Variants in TNNI3K observed in about 807,000 individuals in gnomAD.
TNNI3K encodes serine/threonine-protein kinase TNNI3K.
A neutral mutation model predicts 114.5 loss-of-function variants in TNNI3K; 140 were observed. That is an observed-to-expected ratio of 1.22 (90% CI 1.07 to 1.41). The LOEUF (loss-of-function observed/expected upper bound fraction) is 1.41, where lower values mean the gene tolerates loss of function less well. Ranked by LOEUF, TNNI3K falls within the 40% of genes most tolerant of loss-of-function variation. TNNI3K has a pLI of 0.00. For missense variants in TNNI3K, 1,125 were observed against 1,007.6 expected, an observed-to-expected ratio of 1.12 and a Z score of -1.58; for synonymous variants, 347 against 347.5, an observed-to-expected ratio of 1.00 and a Z score of 0.02.
At chr1:74,474,114 A>T (rs565989079) in intron 21 of TNNI3K, among the ~76,000 whole-genome samples, 2 of 152,284 alleles carry the variant, frequency 1.3e-5, no homozygotes, top group Admixed American at 6.5e-5. Context: ...TCAGTGTGAA[A>T]ACAACAGACT....
At chr1:74,467,031 A>G (rs1352218238) in intron 21 of TNNI3K, among the ~76,000 whole-genome samples, 1 of 152,236 alleles carries the variant, frequency 6.6e-6, no homozygotes, top group Admixed American at 6.5e-5. Context: ...GTTGGGGGAC[A>G]AAGACAGAAT....
chr1:74,245,088 A>G (rs1364266739), intron 2 of TNNI3K, among the ~76,000 whole-genome samples: 1 of 152,228 alleles, frequency 6.6e-6, no homozygotes, highest in Non-Finnish European at 1.5e-5. Context: ...TCACTCACAC[A>G]CAAAATCTCA....
intron 5 of TNNI3K, among the ~76,000 whole-genome samples, chr1:74,316,856 ATTT>A (rs60524669): frequency 0.15 from 22,058 of 142,978 alleles, 1,721 homozygotes; most frequent in South Asian, 0.21. Context: ...CGCCCAGCTA[ATTT>A]TTTTTTTTTT....
At chr1:74,510,507 C>CA (rs1670133220) in intron 23 of TNNI3K, among the ~76,000 whole-genome samples, 1 of 151,690 alleles carries the variant, frequency 6.6e-6, no homozygotes, top group Non-Finnish European at 1.5e-5. Context: ...GACTCCGTCT[C>CA]AAAAAAGAAT....
rs538803371 is a variant in TNNI3K at position 74,250,190 on chromosome 1, C to T, written c.236-482C>T. On this transcript the variant is annotated intron_variant, in intron 3 of 24. Transcript: ENST00000326637. ...TGTCAACTCTAACCATATTCCTTAACCATTTCTCCCAAACAAACCAAACAG... is the reference window on the plus strand; with the variant it reads ...TGTCAACTCTAACCATATTCCTTAATCATTTCTCCCAAACAAACCAAACAG... Among the ~76,000 whole-genome samples, 184 of 152,266 alleles carry T rather than the reference C, an allele frequency of 1.2e-3. 6 individuals are homozygous for T. The highest frequency in any genetic ancestry group is 1.3e-3 in the Non-Finnish European group (85 of 67,998).
At chr1:74,321,748 GATA>G (rs1659620960) in intron 5 of TNNI3K, among the ~76,000 whole-genome samples, 1 of 151,834 alleles carries the variant, frequency 6.6e-6, no homozygotes, top group South Asian at 2.1e-4. Context: ...TTTAACCTGT[GATA>G]ATAAGAGAAA....
chr1:74,484,842 T>C (rs1668670460), intron 21 of TNNI3K, among the ~76,000 whole-genome samples: 2 of 152,200 alleles, frequency 1.3e-5, no homozygotes, highest in Non-Finnish European at 2.9e-5. Flanking sequence ...TGGTCTGATG[T>C]CTATTTTTAA....
At chr1:74,395,611 T>C (rs1570568567) in intron 17 of TNNI3K, among the ~76,000 whole-genome samples, 1 of 152,164 alleles carries the variant, frequency 6.6e-6, no homozygotes, top group Admixed American at 6.5e-5. Context: ...GTGACTGAGA[T>C]GTATCTAAGA....
chr1:74,366,562 G>A (rs1662283025), intron 11 of TNNI3K: 1 of 150,978 alleles, frequency 6.6e-6, no homozygotes, highest in Non-Finnish European at 1.5e-5. Context: ...CCAGCAAATG[G>A]GAAGAGTAGA....
chr1:74,319,235 A>G (rs1246116144), intron 5 of TNNI3K, among the ~76,000 whole-genome samples: 1 of 152,232 alleles, frequency 6.6e-6, no homozygotes, highest in Non-Finnish European at 1.5e-5. Context: ...ATCCAGAGGC[A>G]TCAAAGTTAC....
intron 5 of TNNI3K, among the ~76,000 whole-genome samples, chr1:74,277,406 A>G (rs554867031): frequency 2.0e-5 from 3 of 152,276 alleles, no homozygotes; most frequent in Admixed American, 2.0e-4. Context: ...CACAAGACAC[A>G]AAAAAAGTAT....
chr1:74,367,886 T>C (rs1420193646), intron 12 of TNNI3K, 22 bp from the exon 13 acceptor site: 16 of 1,563,030 alleles, frequency 1.0e-5, no homozygotes, highest in Non-Finnish European at 1.3e-5. Context: ...CTTTCAACTC[T>C]ATTATATAAT....
intron 17 of TNNI3K, among the ~76,000 whole-genome samples, chr1:74,402,222 AG>A (rs1664401799): frequency 1.3e-5 from 2 of 152,174 alleles, no homozygotes; most frequent in African/African-American, 2.4e-5. Context: ...ATGGGGCGGT[AG>A]TAAGAAGTTA....
At chr1:74,415,509 TTA>T (rs1665073107) in intron 17 of TNNI3K, among the ~76,000 whole-genome samples, 1 of 152,182 alleles carries the variant, frequency 6.6e-6, no homozygotes, top group East Asian at 1.9e-4. Context: ...TTTTCACCTG[TTA>T]TGTTTATTTG....
chr1:74,523,512 T>TA (rs45587037), intron 23 of TNNI3K, among the ~76,000 whole-genome samples: 17 of 151,520 alleles, frequency 1.1e-4, no homozygotes, highest in African/African-American at 3.9e-4. Flanking sequence ...GAGACTCACT[T>TA]AAAAAAAAAG....
chr1:74,344,306 G>T (rs1296252641), intron 9 of TNNI3K, among the ~76,000 whole-genome samples: 1 of 152,170 alleles, frequency 6.6e-6, no homozygotes, highest in Non-Finnish European at 1.5e-5. Context: ...AACATTTTAT[G>T]AAGTTGGATT....
chr1:74,411,960 T>TAA lies in TNNI3K; in HGVS notation c.1773-24120_1773-24119insAA, dbSNP rs201113540. ...ATTAAGAAATATAAAATAAAATAGTTTACATATTGTTCAATACATAGTTCA... is the reference window on the plus strand; with the variant it reads ...ATTAAGAAATATAAAATAAAATAGTTAATACATATTGTTCAATACATAGTTCA... On this transcript the variant is annotated intron_variant, in intron 17 of 24. Coordinates refer to ENST00000326637, the MANE Select transcript of TNNI3K (RefSeq NM_015978.3). 5.8e-3 allele frequency among the ~76,000 whole-genome samples: 888 copies of TAA among 152,264 alleles called. 6 individuals are homozygous for TAA. Among genetic ancestry groups the TAA allele is most frequent in the African/African-American group, 0.02 (837 of 41,550 alleles).
intron 21 of TNNI3K, chr1:74,472,088 CT>C: frequency 1.4e-6 from 1 of 717,154 alleles, no homozygotes; most frequent in Non-Finnish European, 2.6e-6. Context: ...CCATTGTCTT[CT>C]TTTTCTATTG....
chr1:74,369,641 A>G (rs1052221933), intron 16 of TNNI3K, 56 bp downstream of exon 16: 13 of 1,505,340 alleles, frequency 8.6e-6, no homozygotes, highest in Non-Finnish European at 1.2e-5. Context: ...CTACTCTTGC[A>G]ATACTTCAGA....
Sources: allele counts gnomAD v4.1 joint callset (sites outside exome capture counted in the v4.1 genomes callset), GRCh38; gene constraint gnomAD v4.1.1; transcripts MANE v1.5; gene names NCBI Gene and HGNC (gene_info 2026-07-23, HGNC 2026-07-21).